The following RDX variants were observed in gnomAD, a reference collection of about 807,000 sequenced individuals.
RDX encodes the protein deafness, autosomal recessive 24.
In RDX, 32 loss-of-function variants were observed where a neutral mutation model predicts 83.7. The observed-to-expected ratio is 0.38, with a 90% CI of 0.29 to 0.51. RDX has a LOEUF of 0.51. RDX is among the 20% of genes least tolerant of loss of function. RDX has a pLI of 0.87. For missense variants in RDX, 600 were observed against 689.9 expected (o/e 0.87, Z 1.46); for synonymous variants, 229 against 222.7 (o/e 1.03, Z -0.25).
At chr11:110,206,390 CAT>C (rs1863604702) in intron 14 of RDX, among the ~76,000 whole-genome samples, 1 of 151,558 alleles carries the variant, frequency 6.6e-6, no homozygotes, top group African/African-American at 2.4e-5. Context: ...AATGGATGTG[CAT>C]GTGTGTGTAA....
At chr11:110,269,589 C>T (rs1860211330) in intron 3 of RDX, among the ~76,000 whole-genome samples, 1 of 152,326 alleles carries the variant, frequency 6.6e-6, no homozygotes, top group Non-Finnish European at 1.5e-5. Context: ...TTATCCCACA[C>T]ACACTACATA....
intron 14 of RDX, among the ~76,000 whole-genome samples, chr11:110,210,421 T>C (rs1863789574): frequency 7.4e-6 from 1 of 134,434 alleles, no homozygotes; most frequent in East Asian, 2.3e-4. Flanking sequence ...CTCTGCAGGA[T>C]ATTATCCAGG....
chr11:110,262,815 T>G (rs1029094842), intron 5 of RDX, among the ~76,000 whole-genome samples: 2 of 152,192 alleles, frequency 1.3e-5, no homozygotes, highest in African/African-American at 2.4e-5. Flanking sequence ...AGGTCACATA[T>G]ATAGCAAAGG....
chr11:110,273,118 G>A lies in RDX; in HGVS notation c.13-499C>T, dbSNP rs538488255. 8.8e-6 allele frequency: 4 copies of A among 455,650 alleles called. No homozygotes were observed. In the East Asian group the frequency reaches 2.1e-4, roughly 24 times the overall value. 28.2% of individuals were successfully genotyped at this position (455,650 alleles called of 1,614,324 possible). ...CCTGTTATTTCCAGGAAGCTGAGAT[G>A]GGAGGATCACTTGAGCCTAGGAGTT... On this transcript the variant is annotated intron_variant, in intron 2 of 13. Transcript: ENST00000645495.
chr11:110,291,244 G>A (rs1210207759), intron 1 of RDX, among the ~76,000 whole-genome samples: 1 of 152,146 alleles, frequency 6.6e-6, no homozygotes, highest in Non-Finnish European at 1.5e-5. Context: ...AGGACTGCCT[G>A]AGCCCCGGAG....
At chr11:110,267,962 G>GA (rs370898044) in intron 3 of RDX, among the ~76,000 whole-genome samples, 21 of 147,428 alleles carry the variant, frequency 1.4e-4, no homozygotes, top group Non-Finnish European at 2.6e-4. Flanking sequence ...TGAAAAAAAA[G>GA]AAAAAAAAAA....
Position 110,184,318 on chromosome 11 carries a change from C to G in RDX, c.*32-9084G>C, listed in dbSNP as rs7120342. ...TGGCAGAAGAGACAGGTGTCATTCCCAAGCCCAGGCGGTGAACAGCCCTGT... is the reference window on the plus strand; with the variant it reads ...TGGCAGAAGAGACAGGTGTCATTCCGAAGCCCAGGCGGTGAACAGCCCTGT... On this transcript the variant is annotated intron_variant, in intron 15 of 15. Transcript: ENST00000528498. Among the ~76,000 whole-genome samples, 1,018 of 152,322 alleles carry G rather than the reference C, an allele frequency of 6.7e-3. 12 individuals are homozygous for G. The highest frequency in any genetic ancestry group is 0.024 in the African/African-American group (986 of 41,564).
At chr11:110,199,401 A>G (rs893981043) in intron 15 of RDX, among the ~76,000 whole-genome samples, 3 of 152,216 alleles carry the variant, frequency 2.0e-5, no homozygotes, top group Non-Finnish European at 4.4e-5. Flanking sequence ...AAGGGATGGA[A>G]TCAGAGGCTG....
intron 9 of RDX, among the ~76,000 whole-genome samples, chr11:110,251,166 G>C (rs1232766675): frequency 2.0e-5 from 3 of 152,104 alleles, no homozygotes; most frequent in Non-Finnish European, 4.4e-5. Flanking sequence ...TTTGGAGTTT[G>C]GGTTTGAAAA....
Position 110,251,045 on chromosome 11 carries a change from T to G in RDX, c.959+2901A>C, listed in dbSNP as rs192642319. Among the ~76,000 whole-genome samples the G allele has an allele frequency of 2.0e-5, 3 of 152,338 alleles. No homozygotes were observed. The East Asian group carries it at 5.8e-4, about 29-fold the overall frequency. The stretch of plus-strand genomic sequence containing the variant: ...TTTATCTCTACATATTCATCTATGT[T>G]GGCTTCTTCTTCTGAACGTATCTCT... On this transcript the variant is annotated intron_variant, in intron 9 of 13. Coordinates refer to ENST00000645495, the MANE Select transcript of RDX (RefSeq NM_002906.4).
At chr11:110,286,201 G>C (rs1860973397) in intron 1 of RDX, among the ~76,000 whole-genome samples, 1 of 152,056 alleles carries the variant, frequency 6.6e-6, no homozygotes, top group South Asian at 2.1e-4. Flanking sequence ...AATATATTGT[G>C]CTCTTTTCCA....
chr11:110,245,243 C>G (rs971303295), intron 10 of RDX, among the ~76,000 whole-genome samples: 1 of 152,094 alleles, frequency 6.6e-6, no homozygotes, highest in Non-Finnish European at 1.5e-5. Context: ...TGAGCCACCA[C>G]GCCTGGCCAA....
chr11:110,239,779 C>CT (rs1441180400), intron 10 of RDX, among the ~76,000 whole-genome samples: 1 of 149,034 alleles, frequency 6.7e-6, no homozygotes, highest in African/African-American at 2.5e-5. Context: ...GTGGCAGAGG[C>CT]TAAGAATCAC....
At chr11:110,281,517 G>C (rs1029841746) in intron 1 of RDX, among the ~76,000 whole-genome samples, 1 of 152,090 alleles carries the variant, frequency 6.6e-6, no homozygotes, top group African/African-American at 2.4e-5. Context: ...AGTAGAGAAA[G>C]GGTTTCATCA....
At chr11:110,245,775 G>T (rs2134335395) in intron 10 of RDX, among the ~76,000 whole-genome samples, 1 of 152,074 alleles carries the variant, frequency 6.6e-6, no homozygotes, top group South Asian at 2.1e-4. Context: ...AACTCTTTTT[G>T]TCCAGTACTA....
rs1252380019 is a variant in RDX, at chr11:110,211,005, TG to T, written c.1749-11328del. Among the ~76,000 whole-genome samples the T allele has an allele frequency of 8.7e-4, 132 of 151,986 alleles. 1 individual carries two copies. Among genetic ancestry groups the T allele is most frequent in the African/African-American group, 3.1e-3 (128 of 41,438 alleles). ...CACACATAACAATATTCACTTTAAA[TG>T]TAAATGGACTAAATGATCCAATTAA... is the stretch of plus-strand genomic sequence containing the variant. On this transcript the variant is annotated intron_variant, in intron 14 of 15. Coordinates refer to the RDX transcript ENST00000528498.
At position 110,233,427 on chromosome 11, in the gene RDX, A is replaced by G; in HGVS notation, c.1397T>C (p.Val466Ala). 6.2e-7 allele frequency: 1 copy of G among 1,614,084 alleles called. No individual in the cohort carries two copies. The highest frequency in any genetic ancestry group is 1.1e-5 in the South Asian group (1 of 91,080). The change falls in exon 13 of 14, where the codon GTG (valine) becomes GCG (alanine). Residue 466 changes from valine to alanine, a missense_variant. Physicochemically the swap from Val to Ala is moderately conservative, Grantham distance 64 (BLOSUM62 0). Transcript: ENST00000645495. Reference sequence around the variant, plus strand: ...TGGAGGTGGAGGGGGGGCAGACATCACAGTTTTTAACTCTTCTTTGGTCTT... The same window carrying G: ...TGGAGGTGGAGGGGGGGCAGACATCGCAGTTTTTAACTCTTCTTTGGTCTT... ...LEKTKEELKT[V>A]MSAPPPPPPP...
chr11:110,249,808 A>G (rs1377917329), intron 9 of RDX, among the ~76,000 whole-genome samples: 2 of 152,148 alleles, frequency 1.3e-5, no homozygotes, highest in African/African-American at 4.8e-5. Flanking sequence ...CAGGAGGTCA[A>G]TGTTGCAGTT....
intron 2 of RDX, 198 bp from the exon 3 acceptor site, chr11:110,272,817 T>C (rs1860358615): frequency 3.5e-6 from 2 of 572,850 alleles, no homozygotes; most frequent in African/African-American, 3.7e-5. Flanking sequence ...GGCACTAAGC[T>C]ATGGGCTTTC....
Sources: gnomAD v4.1 joint callset for allele counts (sites outside exome capture counted in the v4.1 genomes callset) on GRCh38, gnomAD v4.1.1 for gene constraint, MANE v1.5 for transcripts, NCBI Gene and HGNC (gene_info 2026-07-23, HGNC 2026-07-21) for gene names.